Variants in POLN observed in about 807,000 individuals in gnomAD.
POLN encodes DNA polymerase N.
Under a neutral mutation model 113.5 loss-of-function variants are expected in POLN, and 108 were observed. The observed-to-expected ratio is 0.95, with a 90% CI of 0.81 to 1.12. The LOEUF is 1.12. POLN is among the 50% of genes most tolerant of loss of function. POLN has a pLI of 0.00. For missense variants in POLN, 1,097 were observed against 1,077.1 expected, an observed-to-expected ratio of 1.02 and a Z score of -0.26; for synonymous variants, 386 against 391.5, an observed-to-expected ratio of 0.99 and a Z score of 0.17.
intron 20 of POLN, chr4:2,090,583 C>A: frequency 2.2e-6 from 1 of 460,928 alleles, no homozygotes; most frequent in Admixed American, 3.3e-5. Context: ...ATCTTCATCG[C>A]AGTCACAGCC....
chr4:2,078,044 G>A (rs955887740), intron 23 of POLN, among the ~76,000 whole-genome samples: 4 of 152,236 alleles, frequency 2.6e-5, no homozygotes, highest in South Asian at 2.1e-4. Flanking sequence ...GAGCCTCACC[G>A]TGTTGCCTGT....
rs1560107631 is a variant in POLN, at chr4:2,241,043, C to G, written c.-13+477G>C. 3.5e-6 allele frequency: 3 copies of G among 864,870 alleles called. No homozygotes were observed. The South Asian group carries it at 4.7e-5, about 14-fold the overall frequency. The allele number at this position is 864,870 out of a possible 1,614,324, so 53.6% of individuals were successfully genotyped here. On this transcript the variant is annotated intron_variant, in intron 2 of 25. Coordinates refer to ENST00000511885, the MANE Select transcript of POLN (RefSeq NM_181808.4). ...GCAGAAAAAAAGCTACGTTTTATAC[C>G]AAGTCCACAGAGAAGGGAAAATATA...
chr4:2,158,960 T>C (rs1732508906), intron 14 of POLN, among the ~76,000 whole-genome samples, 195 bp downstream of exon 14: 1 of 152,164 alleles, frequency 6.6e-6, no homozygotes, highest in African/African-American at 2.4e-5. Context: ...CGAGTGGGGC[T>C]GATTGCAGAC....
intron 7 of POLN, among the ~76,000 whole-genome samples, chr4:2,191,152 A>G (rs1011326184): frequency 2.6e-5 from 4 of 152,252 alleles, no homozygotes; most frequent in African/African-American, 9.6e-5. Flanking sequence ...ATGTGGTATT[A>G]CTATTCAGCC....
chr4:2,109,208 C>A (rs1450079296), intron 19 of POLN, among the ~76,000 whole-genome samples: 1 of 152,110 alleles, frequency 6.6e-6, no homozygotes, highest in Admixed American at 6.5e-5. Context: ...ACAAAAGGAA[C>A]CTCTGAAGCA....
Position 2,241,947 on chromosome 4 carries a change from C to G in POLN, c.-284+104G>C, listed in dbSNP as rs1735005654. On this transcript the variant is annotated intron_variant, in intron 1 of 25. Transcript: ENST00000511885. ...TGCTGGAGCACCTGGAAGGAGCCCC[C>G]AGGAGCGCAGGAAAAAAAAGAGGCA... 3.0e-6 allele frequency: 3 copies of G among 985,430 alleles called. No individual in the cohort carries two copies. The African/African-American group carries it at 5.2e-5, about 17-fold the overall frequency. 61.0% of individuals were successfully genotyped at this position (985,430 alleles called of 1,614,324 possible).
At chr4:2,149,616 T>C (rs1193809872) in intron 16 of POLN, among the ~76,000 whole-genome samples, 1 of 152,006 alleles carries the variant, frequency 6.6e-6, no homozygotes, top group Non-Finnish European at 1.5e-5. Flanking sequence ...GCAAGACCCA[T>C]CTCTAAAAAA....
chr4:2,135,982 T>TA (rs1731848107), intron 16 of POLN, among the ~76,000 whole-genome samples: 1 of 152,220 alleles, frequency 6.6e-6, no homozygotes, highest in Admixed American at 6.5e-5. Flanking sequence ...CAAATGGTGA[T>TA]ATCTGAATGT....
intron 7 of POLN, among the ~76,000 whole-genome samples, chr4:2,192,284 T>A (rs1733470485): frequency 6.6e-6 from 1 of 152,004 alleles, no homozygotes; most frequent in African/African-American, 2.4e-5. Flanking sequence ...TGAACACACA[T>A]GTCCACCACC....
chr4:2,128,082 T>A lies in POLN; in HGVS notation c.1982+31A>T, dbSNP rs764760147. On this transcript the variant is annotated intron_variant, in intron 19 of 25. Coordinates refer to ENST00000511885, the MANE Select transcript of POLN (RefSeq NM_181808.4). ...AAACTCATGTTGGCCTTCCTGCAGATCTGATAATATTGTGAGTTCATATAT... is the reference window on the plus strand; with the variant it reads ...AAACTCATGTTGGCCTTCCTGCAGAACTGATAATATTGTGAGTTCATATAT... 7.3e-6 allele frequency: 10 copies of A among 1,368,004 alleles called. No homozygotes were observed. The East Asian group carries it at 2.1e-4, about 28-fold the overall frequency. 84.7% of individuals were successfully genotyped at this position (1,368,004 alleles called of 1,614,324 possible). A position where few individuals can be genotyped will look rare whatever the true frequency, so the allele number is the denominator to read the frequency against.
At chr4:2,090,575 C>T (rs543600519) in intron 20 of POLN, 13 of 464,464 alleles carry the variant, frequency 2.8e-5, no homozygotes, top group African/African-American at 2.6e-4. Context: ...TCTTCAAGAT[C>T]TTCATCGCAG....
chr4:2,192,393 C>G (rs778690774), intron 7 of POLN, among the ~76,000 whole-genome samples: 23 of 152,026 alleles, frequency 1.5e-4, no homozygotes, highest in Non-Finnish European at 2.9e-4. Context: ...CTCTGTCCCC[C>G]AGGCTGGAGT....
chr4:2,168,389 A>G (rs1732780973), intron 13 of POLN, among the ~76,000 whole-genome samples: 1 of 152,222 alleles, frequency 6.6e-6, no homozygotes, highest in Non-Finnish European at 1.5e-5. Context: ...TGAATCTTGA[A>G]TTTGGCCACA....
At chr4:2,218,355 G>A (rs890441035) in intron 3 of POLN, among the ~76,000 whole-genome samples, 19 of 152,010 alleles carry the variant, frequency 1.2e-4, no homozygotes, top group Non-Finnish European at 2.6e-4. Flanking sequence ...TGAGGCAGGA[G>A]AATCGCTTGA....
At chr4:2,120,608 C>A (rs1412170800) in intron 19 of POLN, among the ~76,000 whole-genome samples, 1 of 151,928 alleles carries the variant, frequency 6.6e-6, no homozygotes, top group East Asian at 1.9e-4. Flanking sequence ...ATTCTCCTGT[C>A]TCAGTCTCTC....
chr4:2,154,475 T>C (rs1267186245), intron 16 of POLN, among the ~76,000 whole-genome samples: 1 of 152,084 alleles, frequency 6.6e-6, no homozygotes, highest in Admixed American at 6.5e-5. Flanking sequence ...ATTGAAAAAA[T>C]GAGTCAGGAA....
intron 2 of POLN, chr4:2,234,218 G>A (rs1412377015): frequency 6.6e-6 from 1 of 152,100 alleles, no homozygotes; most frequent in African/African-American, 2.4e-5. Flanking sequence ...ACAAAACTAT[G>A]GTCTTTGCTG....
At position 2,072,070 on chromosome 4, in the gene POLN, T is replaced by G; in HGVS notation, c.*44A>C. 1 of 1,603,012 alleles carries G rather than the reference T, an allele frequency of 6.2e-7. No homozygotes were observed. Among genetic ancestry groups the G allele is most frequent in the Non-Finnish European group, 8.5e-7 (1 of 1,171,120 alleles). ...GGTGACCTTGGGGAAGGCCACACAA[T>G]GGACTGCTGGAAACCAGTTCTCTCC... On this transcript the variant is annotated 3_prime_UTR_variant, in exon 26 of 26. Transcript: ENST00000511885.
chr4:2,081,066 C>T (rs780322153), intron 22 of POLN, 30 bp from the exon 23 acceptor site: 3 of 1,613,102 alleles, frequency 1.9e-6, no homozygotes, highest in East Asian at 2.2e-5. Context: ...GTCTTGAGGT[C>T]CCATGGCACA....
Sources: allele counts gnomAD v4.1 joint callset (sites outside exome capture counted in the v4.1 genomes callset), GRCh38; gene constraint gnomAD v4.1.1; transcripts MANE v1.5; gene names NCBI Gene and HGNC (gene_info 2026-07-23, HGNC 2026-07-21).